Variants in TPD52 observed in about 807,000 individuals in gnomAD.
TPD52 encodes the protein prostate and colon associated protein.
TPD52 carries 17 observed loss-of-function variants against 31.3 expected under a neutral mutation model. The observed-to-expected ratio is 0.54, with a 90% CI of 0.37 to 0.82. The LOEUF is 0.82. Ranked by LOEUF, TPD52 falls within the 40% of genes least tolerant of loss-of-function variation. The probability of loss-of-function intolerance (pLI) is 0.00; values close to 1 mark genes in which losing one functional copy is unlikely to be tolerated. For missense variants in TPD52, 212 were observed against 240.1 expected, an observed-to-expected ratio of 0.88 and a Z score of 0.77; for synonymous variants, 83 against 89.6, an observed-to-expected ratio of 0.93 and a Z score of 0.42.
intron 2 of TPD52, among the ~76,000 whole-genome samples, chr8:80,057,353 G>T (rs1025191850): frequency 4.6e-5 from 7 of 152,166 alleles, no homozygotes; most frequent in African/African-American, 1.7e-4. Context: ...ACTGGGTATA[G>T]AAATTGTTCT....
At chr8:80,063,909 A>C (rs1812820029) in intron 2 of TPD52, among the ~76,000 whole-genome samples, 1 of 116,240 alleles carries the variant, frequency 8.6e-6, no homozygotes, top group East Asian at 3.1e-4. Context: ...ATGGGGGGGA[A>C]TGGCAGAGGG....
At chr8:80,084,756 G>A in intron 1 of TPD52, among the ~76,000 whole-genome samples, 1 of 152,122 alleles carries the variant, frequency 6.6e-6, no homozygotes, top group South Asian at 2.1e-4. Context: ...CCTGTTTGTT[G>A]AACACATCCT....
chr8:80,167,368 TGAGC>T (rs1811783341), intron 1 of TPD52, among the ~76,000 whole-genome samples: 1 of 152,188 alleles, frequency 6.6e-6, no homozygotes, highest in African/African-American at 2.4e-5. Flanking sequence ...GCACTGTGAG[TGAGC>T]GTATTTGTTT....
At chr8:80,101,456 A>G in intron 1 of TPD52, among the ~76,000 whole-genome samples, 1 of 33,204 alleles carries the variant, frequency 3.0e-5, no homozygotes, top group Admixed American at 3.1e-4. Flanking sequence ...CTCAAAAAAA[A>G]AAAAAAAAAA....
intron 1 of TPD52, among the ~76,000 whole-genome samples, chr8:80,095,656 C>G (rs753951221): frequency 4.6e-5 from 7 of 151,894 alleles, no homozygotes; most frequent in Admixed American, 6.6e-5. Flanking sequence ...CCCTAAAATA[C>G]AAAGACTAGG....
chr8:80,105,201 G>A (rs1807017694), intron 1 of TPD52, among the ~76,000 whole-genome samples: 1 of 152,072 alleles, frequency 6.6e-6, no homozygotes, highest in Non-Finnish European at 1.5e-5. Context: ...CCTAAGGGAA[G>A]AGACCACCCC....
intron 1 of TPD52, among the ~76,000 whole-genome samples, chr8:80,083,193 CA>C (rs11367625): frequency 0.67 from 99,089 of 146,988 alleles, 33,393 homozygotes; most frequent in African/African-American, 0.81. Context: ...ATATACTGTG[CA>C]AAAAAAAAAA....
chr8:80,064,430 G>C (rs1812891861), intron 2 of TPD52, 48 bp downstream of exon 2: 3 of 1,392,820 alleles, frequency 2.2e-6, no homozygotes, highest in Non-Finnish European at 3.1e-6. Context: ...ACAAATGACA[G>C]TACATTTTAA....
chr8:80,137,854 C>A (rs1039938072), intron 1 of TPD52, among the ~76,000 whole-genome samples: 1 of 152,304 alleles, frequency 6.6e-6, no homozygotes, highest in East Asian at 1.9e-4. Context: ...GGGAGGATCA[C>A]TTGAGCCCAC....
At chr8:80,096,021 C>T (rs1816706739) in intron 1 of TPD52, among the ~76,000 whole-genome samples, 1 of 152,104 alleles carries the variant, frequency 6.6e-6, no homozygotes. Flanking sequence ...TTTGGGAGGC[C>T]AAAGCAGGCA....
intron 1 of TPD52, among the ~76,000 whole-genome samples, chr8:80,146,421 A>T (rs1235898378): frequency 6.6e-6 from 1 of 152,234 alleles, no homozygotes; most frequent in East Asian, 1.9e-4. Context: ...CAGTTTATAA[A>T]GGGTCTAGTA....
chr8:80,082,051 G>A (rs1172379957), intron 1 of TPD52, among the ~76,000 whole-genome samples: 1 of 151,624 alleles, frequency 6.6e-6, no homozygotes, highest in East Asian at 1.9e-4. Flanking sequence ...CAGGTGATCC[G>A]CCTGCCTCGG....
At chr8:80,140,298 T>C (rs1455195473) in intron 1 of TPD52, among the ~76,000 whole-genome samples, 1 of 152,152 alleles carries the variant, frequency 6.6e-6, no homozygotes, top group Non-Finnish European at 1.5e-5. Flanking sequence ...AATCTTTTAA[T>C]TAAAATGAGG....
chr8:80,166,691 G>A (rs1017880444), intron 1 of TPD52, among the ~76,000 whole-genome samples: 3 of 151,722 alleles, frequency 2.0e-5, no homozygotes, highest in South Asian at 4.2e-4. Flanking sequence ...ATCACCTGAG[G>A]TCAGGAGTTC....
At chr8:80,061,374 A>AC (rs1277248452) in intron 2 of TPD52, among the ~76,000 whole-genome samples, 11 of 39,280 alleles carry the variant, frequency 2.8e-4, no homozygotes, top group African/African-American at 3.4e-4. Flanking sequence ...CTTCCCCCCC[A>AC]CCGCCCCCCC....
chr8:80,083,534 G>A (rs1815494497), intron 1 of TPD52, among the ~76,000 whole-genome samples: 1 of 152,148 alleles, frequency 6.6e-6, no homozygotes, highest in Admixed American at 6.5e-5. Flanking sequence ...TTTATAAGGA[G>A]AACAGATGGT....
At position 80,069,369 on chromosome 8, in the gene TPD52, G is replaced by A. The variant is rs182450918; in HGVS notation, c.20-4776C>T. Reference sequence around the variant, plus strand: ...TAGTCCCAGCTACTCAGGAGGCTGTGGCGGGAGGATCGCTTGGGCCTAGGA... The same window carrying A: ...TAGTCCCAGCTACTCAGGAGGCTGTAGCGGGAGGATCGCTTGGGCCTAGGA... On this transcript the variant is annotated intron_variant, in intron 1 of 7. Coordinates refer to ENST00000518937, the MANE Select transcript of TPD52 (RefSeq NM_001025253.3). Among the ~76,000 whole-genome samples the A allele has an allele frequency of 4.6e-5, 7 of 152,332 alleles. No homozygotes were observed. The East Asian group carries it at 9.6e-4, about 21-fold the overall frequency.
intron 1 of TPD52, among the ~76,000 whole-genome samples, chr8:80,077,531 C>G (rs1435068785): frequency 1.3e-5 from 2 of 152,156 alleles, no homozygotes; most frequent in Non-Finnish European, 2.9e-5. Flanking sequence ...AATAGTTAAT[C>G]TGTTCTATAA....
At chr8:80,152,880 A>C (rs1309674236) in intron 1 of TPD52, among the ~76,000 whole-genome samples, 1 of 152,032 alleles carries the variant, frequency 6.6e-6, no homozygotes, top group Non-Finnish European at 1.5e-5. Context: ...GTGGCAAGTA[A>C]ATGCTTGTGA....
Sources: allele counts gnomAD v4.1 joint callset (sites outside exome capture counted in the v4.1 genomes callset), GRCh38; gene constraint gnomAD v4.1.1; transcripts MANE v1.5; gene names NCBI Gene and HGNC (gene_info 2026-07-23, HGNC 2026-07-21).